MPRIP: variants seen among roughly 807,000 people sequenced by gnomAD.
MPRIP encodes myosin phosphatase Rho-interacting protein.
MPRIP carries 59 observed loss-of-function variants against 234.9 expected under a neutral mutation model. The ratio of observed to expected loss-of-function variants is 0.25; its 90% CI spans 0.20 to 0.31. MPRIP has a LOEUF of 0.31. MPRIP is among the 10% of genes least tolerant of loss of function. MPRIP has a pLI of 1.00. For synonymous variants in MPRIP, 1,144 were observed against 1,263.9 expected (o/e 0.91, Z 2.01); for missense variants, 2,436 against 3,071.0 (o/e 0.79, Z 4.89).
In MPRIP at chr17:17,185,576, C is replaced by T. The variant is rs1205759811; in HGVS notation, c.*682C>T. ...TTGCACAAAATCCCCGGCCCCTCTC[C>T]TTCCTTCCTTCCTTCCTTCCTCCGC... On this transcript the variant is annotated 3_prime_UTR_variant, in exon 24 of 24. Transcript: ENST00000651222. 4.0e-5 allele frequency: 18 copies of T among 450,432 alleles called. No individual in the cohort carries two copies. Among genetic ancestry groups the T allele is most frequent in the Non-Finnish European group, 7.6e-5 (17 of 224,304 alleles). The allele number at this position is 450,432 out of a possible 1,614,324, so 27.9% of individuals were successfully genotyped here. A position where few individuals can be genotyped will look rare whatever the true frequency, so the allele number is the denominator to read the frequency against.
At chr17:17,156,658 T>C (rs2045736844) in intron 13 of MPRIP, among the ~76,000 whole-genome samples, 1 of 152,106 alleles carries the variant, frequency 6.6e-6, no homozygotes, top group Non-Finnish European at 1.5e-5. Context: ...GTGCGGCCGG[T>C]TCTGGTGTGG....
chr17:17,168,853 A>C, intron 16 of MPRIP: 2 of 456,854 alleles, frequency 4.4e-6, no homozygotes, highest in Non-Finnish European at 8.8e-6. Context: ...CACAGCCAGC[A>C]CCATTGTGCT....
chr17:17,172,953 C>G, intron 18 of MPRIP, 138 bp downstream of exon 18: 2 of 677,966 alleles, frequency 3.0e-6, no homozygotes, highest in Non-Finnish European at 5.1e-6. Flanking sequence ...GAGGGCAGCT[C>G]AGATGCCCTC....
At chr17:17,047,586 A>C (rs769935657) in intron 1 of MPRIP, among the ~76,000 whole-genome samples, 1 of 152,192 alleles carries the variant, frequency 6.6e-6, no homozygotes, top group Non-Finnish European at 1.5e-5. Context: ...AATTACAATC[A>C]AGGCATTCTC....
Position 17,143,686 on chromosome 17 carries a change from C to A in MPRIP, c.1503+17C>A. 4 of 1,544,480 alleles carry A rather than the reference C, an allele frequency of 2.6e-6. No individual in the cohort carries two copies. The highest frequency in any genetic ancestry group is 2.3e-5 in the East Asian group (1 of 42,694). ...TCCGTGACGGTGAGCCCAGGCGCCG[C>A]GTCCTCCGGAGGCCGTGCTCCTCTG... is the stretch of plus-strand genomic sequence containing the variant. On this transcript the variant is annotated intron_variant, in intron 9 of 23. Transcript: ENST00000651222.
chr17:17,118,586 A>G (rs1037474048), intron 3 of MPRIP, among the ~76,000 whole-genome samples: 24 of 152,174 alleles, frequency 1.6e-4, no homozygotes, highest in Admixed American at 1.2e-3. Flanking sequence ...CCTTTGAACC[A>G]TGAGGACTGT....
chr17:17,064,075 ACG>A (rs1180916886), intron 1 of MPRIP, among the ~76,000 whole-genome samples: 1 of 152,198 alleles, frequency 6.6e-6, no homozygotes, highest in Non-Finnish European at 1.5e-5. Flanking sequence ...AGCAGAGCAT[ACG>A]CGGTGCAGCT....
At chr17:17,091,092 G>C (rs138470618) in intron 3 of MPRIP, among the ~76,000 whole-genome samples, 1 of 151,066 alleles carries the variant, frequency 6.6e-6, no homozygotes, top group Non-Finnish European at 1.5e-5. Context: ...TCTCGGGGGC[G>C]GTTGGGGAGG....
At chr17:17,182,355 AG>A (rs1309130136) in intron 23 of MPRIP, 3 of 152,258 alleles carry the variant, frequency 2.0e-5, no homozygotes, top group Non-Finnish European at 2.9e-5. Flanking sequence ...CAAGTTGCTT[AG>A]GAGCAGCACA....
intron 1 of MPRIP, among the ~76,000 whole-genome samples, chr17:17,073,027 A>G (rs2089236076): frequency 6.6e-6 from 1 of 152,116 alleles, no homozygotes; most frequent in South Asian, 2.1e-4. Context: ...AGCCATCATC[A>G]CAGTCACTTT....
intron 1 of MPRIP, among the ~76,000 whole-genome samples, chr17:17,051,691 C>T (rs1210009708): frequency 6.6e-6 from 1 of 152,242 alleles, no homozygotes; most frequent in African/African-American, 2.4e-5. Flanking sequence ...ACCCAGAGCT[C>T]TCAAGGCATT....
In MPRIP at chr17:17,164,539, A is replaced by G. The variant is rs1321871195; in HGVS notation, c.2948A>G (p.Gln983Arg). Residue 983 changes from glutamine to arginine, a missense_variant, in exon 16 of 24, where the codon CAG (glutamine) becomes CGG (arginine). Transcript: ENST00000651222. ...GGCCTGGAGACACAGCAGGCGCTGC[A>G]GCGGGACCGGCAGAAGGAGGTCCAG... ...LRGLETQQAL[Q>R]RDRQKEVQRL... 8.3e-7 allele frequency: 1 copy of G among 1,209,138 alleles called. No homozygotes were observed. Among genetic ancestry groups the G allele is most frequent in the Non-Finnish European group, 1.1e-6 (1 of 947,022 alleles). 74.9% of individuals were successfully genotyped at this position (1,209,138 alleles called of 1,614,324 possible). A position where few individuals can be genotyped will look rare whatever the true frequency, so the allele number is the denominator to read the frequency against.
chr17:17,066,629 A>G (rs1157936044), intron 1 of MPRIP, among the ~76,000 whole-genome samples: 1 of 149,056 alleles, frequency 6.7e-6, no homozygotes, highest in Non-Finnish European at 1.5e-5. Flanking sequence ...AACCACGGAT[A>G]GTACTGAACC....
intron 22 of MPRIP, 35 bp downstream of exon 22, chr17:17,177,447 TG>T: frequency 1.2e-6 from 2 of 1,600,400 alleles, no homozygotes; most frequent in African/African-American, 1.3e-5. Context: ...CGGTTATTGC[TG>T]GGGGGCTTAT....
chr17:17,167,796 C>T lies in MPRIP; in HGVS notation c.6205C>T (p.Arg2069Cys), dbSNP rs1236408943. 4 of 1,304,188 alleles carry T rather than the reference C, an allele frequency of 3.1e-6. No homozygotes were observed. The highest frequency in any genetic ancestry group is 4.0e-6 in the Non-Finnish European group (4 of 988,960). The allele number at this position is 1,304,188 out of a possible 1,614,324, so 80.8% of individuals were successfully genotyped here. Residue 2069 changes from arginine (R) to cysteine (C), a missense_variant, in exon 16 of 24, where the codon CGC (arginine) becomes TGC (cysteine). Coordinates refer to ENST00000651222, the MANE Select transcript of MPRIP (RefSeq NM_001364716.4). This position sits in a 1 kb window ranked among gnomAD's most constrained non-coding sequence, Gnocchi z 5.9. ...TGACTCCATGACGGGGCTGAGGGAG[C>T]GCATCCAGGAGCTGGAGGCCCAGAT... is the stretch of plus-strand genomic sequence containing the variant. ...EADSMTGLRERIQELEAQMDV... is the reference protein window; with the variant it reads ...EADSMTGLRECIQELEAQMDV...
intron 3 of MPRIP, among the ~76,000 whole-genome samples, chr17:17,091,863 C>G (rs1030825401): frequency 3.3e-5 from 5 of 152,226 alleles, no homozygotes; most frequent in African/African-American, 1.2e-4. Flanking sequence ...ACTATTTGTG[C>G]TCCACGAGAA....
intron 1 of MPRIP, among the ~76,000 whole-genome samples, chr17:17,067,072 A>C (rs967632636): frequency 6.6e-6 from 1 of 151,980 alleles, no homozygotes; most frequent in Admixed American, 6.6e-5. Context: ...TACTTTTTCT[A>C]TCTTACCTGG....
intron 3 of MPRIP, among the ~76,000 whole-genome samples, chr17:17,112,248 C>T (rs1039449155): frequency 6.6e-6 from 1 of 152,156 alleles, no homozygotes; most frequent in Non-Finnish European, 1.5e-5. Flanking sequence ...GGGCCTAGCT[C>T]TCTCTGTCGG....
chr17:17,059,334 T>A (rs1390273077), intron 1 of MPRIP, among the ~76,000 whole-genome samples: 1 of 152,102 alleles, frequency 6.6e-6, no homozygotes, highest in Non-Finnish European at 1.5e-5. Context: ...AGGCAAAGGA[T>A]GTTTTAGTAT....
Sources: allele counts gnomAD v4.1 joint callset (sites outside exome capture counted in the v4.1 genomes callset), GRCh38; gene constraint gnomAD v4.1.1; non-coding constraint Gnocchi (gnomAD v3.1); transcripts MANE v1.5; gene names NCBI Gene and HGNC (gene_info 2026-07-23, HGNC 2026-07-21).